ZNF136: variants seen among roughly 807,000 people sequenced by gnomAD.
The protein encoded by ZNF136 is zinc finger protein 136.
In ZNF136, 8 loss-of-function variants were observed where a neutral mutation model predicts 11.4. The ratio of observed to expected loss-of-function variants is 0.70; its 90% CI spans 0.41 to 1.27. The LOEUF (loss-of-function observed/expected upper bound fraction) is 1.27. Ranked by LOEUF, ZNF136 falls within the 50% of genes most tolerant of loss-of-function variation. ZNF136 has a pLI of 0.01. For synonymous variants in ZNF136, 190 were observed against 207.1 expected (o/e 0.92, Z 0.71); for missense variants, 590 against 656.5 (o/e 0.90, Z 1.11).
At chr19:12,181,406 C>G (rs575102945) in intron 1 of ZNF136, among the ~76,000 whole-genome samples, 5 of 152,010 alleles carry the variant, frequency 3.3e-5, no homozygotes, top group African/African-American at 1.2e-4. Flanking sequence ...CCAACACCAG[C>G]TTCTGTTCTC....
chr19:12,169,975 T>C (rs916641714), intron 1 of ZNF136, among the ~76,000 whole-genome samples: 1 of 152,054 alleles, frequency 6.6e-6, no homozygotes, highest in African/African-American at 2.4e-5. Context: ...TTTGTATTTT[T>C]AGTAGAGACG....
chr19:12,168,057 CTTTTTT>C (rs386388563), intron 1 of ZNF136, among the ~76,000 whole-genome samples: 45 of 71,138 alleles, frequency 6.3e-4, no homozygotes, highest in South Asian at 4.9e-3. Flanking sequence ...TTTTCTTTTT[CTTTTTT>C]TTTTTTTTTT....
chr19:12,166,573 G>A (rs1977189677), intron 1 of ZNF136, among the ~76,000 whole-genome samples: 1 of 152,174 alleles, frequency 6.6e-6, no homozygotes, highest in African/African-American at 2.4e-5. Context: ...CCTGTTATTG[G>A]AACTTAGCAG....
Position 12,187,753 on chromosome 19 carries a change from TATCTC to T in ZNF136, c.1377_1381del (p.Tyr459Ter), listed in dbSNP as rs1568405360. The T allele has an allele frequency of 6.8e-6, 11 of 1,613,240 alleles. No individual in the cohort carries two copies. The highest frequency in any genetic ancestry group is 2.2e-5 in the East Asian group (1 of 44,848). On this transcript the variant is annotated frameshift_variant, in exon 4 of 4. Coordinates refer to ENST00000343979, the MANE Select transcript of ZNF136 (RefSeq NM_003437.5). LOFTEE classifies it low-confidence loss of function (END_TRUNC). The stretch of plus-strand genomic sequence containing the variant: ...TAAGCAATGTGGGAAAGCCTTCAGT[TATCTC>T]AACTCCTTTCGAACACATGAAATGA...
chr19:12,186,445 C>G (rs1401427160), intron 3 of ZNF136, 125 bp from the exon 4 acceptor site: 1 of 912,924 alleles, frequency 1.1e-6, no homozygotes, highest in Non-Finnish European at 1.6e-6. Flanking sequence ...TTCATTCATG[C>G]TCAAACAAAT....
intron 1 of ZNF136, among the ~76,000 whole-genome samples, chr19:12,178,304 A>G (rs1914849776): frequency 6.6e-6 from 1 of 152,140 alleles, no homozygotes; most frequent in South Asian, 2.1e-4. Context: ...TTAGTTTGAC[A>G]TCCACATCCA....
At chr19:12,185,710 C>T in intron 1 of ZNF136, 75 bp from the exon 2 acceptor site, 1 of 1,546,614 alleles carries the variant, frequency 6.5e-7, no homozygotes, top group East Asian at 2.3e-5. Flanking sequence ...ATGTGAACTT[C>T]TTATGAATTG....
At chr19:12,165,219 TG>T (rs1977169861) in intron 1 of ZNF136, among the ~76,000 whole-genome samples, 1 of 152,134 alleles carries the variant, frequency 6.6e-6, no homozygotes. Flanking sequence ...CGTAATGCAG[TG>T]TCTCTTGGGC....
At chr19:12,169,947 A>G (rs547195365) in intron 1 of ZNF136, among the ~76,000 whole-genome samples, 2 of 152,200 alleles carry the variant, frequency 1.3e-5, no homozygotes, top group East Asian at 3.9e-4. Context: ...GGCGCCTGCC[A>G]CCACGTCCGG....
At chr19:12,178,831 A>G (rs1383348938) in intron 1 of ZNF136, among the ~76,000 whole-genome samples, 2 of 152,034 alleles carry the variant, frequency 1.3e-5, no homozygotes, top group Non-Finnish European at 2.9e-5. Context: ...TCTACTAAAA[A>G]TGCAAAAATT....
rs1160884191 is a variant in ZNF136 at position 12,186,145 on chromosome 19, T to C, written c.162T>C (p.Asp54=). The change falls in exon 3 of 4, where the codon GAT becomes GAC. Residue 54 remains aspartate (D), a synonymous_variant. Transcript: ENST00000343979. The part of the protein sequence containing the change: ...GKKWKDQNIK[D]HYKHRGRNLR... Reference sequence around the variant, plus strand: ...AATGGAAGGACCAGAACATTAAAGATCACTACAAACACCGAGGGAGAAATC... The same window carrying C: ...AATGGAAGGACCAGAACATTAAAGACCACTACAAACACCGAGGGAGAAATC... The C allele has an allele frequency of 6.2e-7, 1 of 1,611,568 alleles. No homozygotes were observed. The highest frequency in any genetic ancestry group is 1.3e-5 in the African/African-American group (1 of 74,822).
intron 1 of ZNF136, among the ~76,000 whole-genome samples, chr19:12,170,389 ACTT>A (rs766346616): frequency 9.5e-5 from 14 of 148,034 alleles, no homozygotes; most frequent in Non-Finnish European, 1.8e-4. Context: ...TGCTTCATAA[ACTT>A]CTTTTTTTTT....
intron 1 of ZNF136, 107 bp downstream of exon 1, chr19:12,163,313 G>T: frequency 7.8e-7 from 1 of 1,279,020 alleles, no homozygotes; most frequent in Non-Finnish European, 1.0e-6. Context: ...CTCTGGGTCT[G>T]CGTACCGAGT....
intron 1 of ZNF136, among the ~76,000 whole-genome samples, chr19:12,183,526 T>C (rs902730516): frequency 3.3e-5 from 5 of 152,012 alleles, no homozygotes; most frequent in Non-Finnish European, 5.9e-5. Flanking sequence ...GAATCACTCT[T>C]CATTATGGCT....
At position 12,163,899 on chromosome 19, in the gene ZNF136, C is replaced by T. The variant is rs548752500; in HGVS notation, c.3+693C>T. 3 of 152,256 alleles carry T rather than the reference C, an allele frequency of 2.0e-5. No homozygotes were observed. The South Asian group carries it at 6.2e-4, about 32-fold the overall frequency. The allele number at this position is 152,256 out of a possible 1,614,324, so 9.4% of individuals were successfully genotyped here. A position where few individuals can be genotyped will look rare whatever the true frequency, so the allele number is the denominator to read the frequency against. On this transcript the variant is annotated intron_variant, in intron 1 of 3. Transcript: ENST00000343979. Reference sequence around the variant, plus strand: ...TTTTGTCTCCTCTATGCACAGATACCTCATCAGAATGTCTTTGAGTTGAGG... The same window carrying T: ...TTTTGTCTCCTCTATGCACAGATACTTCATCAGAATGTCTTTGAGTTGAGG...
intron 2 of ZNF136, 82 bp downstream of exon 2, chr19:12,185,993 A>G: frequency 6.2e-7 from 1 of 1,604,410 alleles, no homozygotes; most frequent in Non-Finnish European, 8.5e-7. Context: ...GGTTTGCATC[A>G]TGGAGGGAGA....
rs759429461 is a variant in ZNF136, at chr19:12,186,574, C to T, written c.196C>T (p.His66Tyr). The stretch of plus-strand genomic sequence containing the variant: ...TGTCCGTCTCATTTTTTACAGAAGT[C>T]ATATGTTAGAAAGACTCTATCAAAC... Reference protein sequence around the residue: ...YKHRGRNLRSHMLERLYQTKD... With the variant: ...YKHRGRNLRSYMLERLYQTKD... The change falls in exon 4 of 4, where the codon CAT becomes TAT. Residue 66 changes from histidine (H) to tyrosine (Y), a missense_variant. His to Tyr is a moderately conservative substitution (Grantham distance 83). Coordinates refer to ENST00000343979, the MANE Select transcript of ZNF136 (RefSeq NM_003437.5). The T allele has an allele frequency of 2.5e-6, 4 of 1,599,136 alleles. No individual in the cohort carries two copies. The South Asian group carries it at 4.5e-5, about 18-fold the overall frequency.
At chr19:12,163,245 G>A in intron 1 of ZNF136, 39 bp downstream of exon 1, 1 of 1,367,032 alleles carries the variant, frequency 7.3e-7, no homozygotes, top group Non-Finnish European at 9.5e-7. Flanking sequence ...ACAGGGAGGA[G>A]GGGCTGGTTG....
chr19:12,184,137 G>A (rs577537695), intron 1 of ZNF136, among the ~76,000 whole-genome samples: 9 of 152,002 alleles, frequency 5.9e-5, no homozygotes, highest in East Asian at 1.9e-4. Flanking sequence ...GTGGTGGCAC[G>A]TGCCTGTACT....
Sources: gnomAD v4.1 joint callset for allele counts (sites outside exome capture counted in the v4.1 genomes callset) on GRCh38, gnomAD v4.1.1 for gene constraint, MANE v1.5 for transcripts, NCBI Gene and HGNC (gene_info 2026-07-23, HGNC 2026-07-21) for gene names.